The following KAZN variants were observed in gnomAD, a reference collection of about 807,000 sequenced individuals.
KAZN encodes kazrin.
In KAZN, 40 loss-of-function variants were observed where a neutral mutation model predicts 87.4. That is an observed-to-expected ratio of 0.46 (90% CI 0.36 to 0.60). KAZN has a LOEUF of 0.60. Among genes scored for constraint, KAZN ranks in the 20% least tolerant of loss-of-function variants. The probability of loss-of-function intolerance (pLI) is 0.00; values close to 1 mark genes in which losing one functional copy is unlikely to be tolerated. For synonymous variants in KAZN, 466 were observed against 458.3 expected (o/e 1.02, Z -0.22); for missense variants, 898 against 1,073.9 (o/e 0.84, Z 2.29).
chr1:14,486,375 G>A (rs1381698658), intron 2 of KAZN, among the ~76,000 whole-genome samples: 1 of 152,088 alleles, frequency 6.6e-6, no homozygotes, highest in Non-Finnish European at 1.5e-5. Context: ...GTATGTTGTG[G>A]GATGCTTAAG....
chr1:14,657,606 T>C (rs1638892537), intron 1 of KAZN, among the ~76,000 whole-genome samples: 2 of 152,296 alleles, frequency 1.3e-5, no homozygotes, highest in South Asian at 4.2e-4. Flanking sequence ...CATCTCCCTA[T>C]CATGAGCATT....
intron 2 of KAZN, among the ~76,000 whole-genome samples, chr1:14,531,000 G>C (rs191709583): frequency 1.3e-5 from 2 of 152,166 alleles, no homozygotes; most frequent in African/African-American, 4.8e-5. Flanking sequence ...CTGAGCCTGG[G>C]AGGTCTAGGC....
chr1:14,232,791 G>A (rs933796856), intron 2 of KAZN, among the ~76,000 whole-genome samples: 3 of 151,966 alleles, frequency 2.0e-5, no homozygotes, highest in Admixed American at 6.6e-5. Flanking sequence ...AAAACAACGG[G>A]CATTTTAAAA....
chr1:14,157,881 A>C (rs927075322), intron 1 of KAZN, among the ~76,000 whole-genome samples: 3 of 152,192 alleles, frequency 2.0e-5, no homozygotes, highest in African/African-American at 7.2e-5. Flanking sequence ...GGATGCAAGA[A>C]AGAAGAGAAA....
rs149054338 is a variant in KAZN, at chr1:14,703,222, G to C, written c.226+103999G>C. 6.6e-5 allele frequency among the ~76,000 whole-genome samples: 10 copies of C among 152,310 alleles called. No individual in the cohort carries two copies. In the East Asian group the frequency reaches 1.7e-3, roughly 27 times the overall value. ...CAAGAGTAGGTTGACCAGGCTGGGCGAGGTGGCTCACACCTGTACTCCCAG... is the reference window on the plus strand; with the variant it reads ...CAAGAGTAGGTTGACCAGGCTGGGCCAGGTGGCTCACACCTGTACTCCCAG... On this transcript the variant is annotated intron_variant, in intron 1 of 14. Coordinates refer to ENST00000376030, the MANE Select transcript of KAZN (RefSeq NM_201628.3).
At chr1:15,058,510 A>G (rs1442193395) in intron 5 of KAZN, among the ~76,000 whole-genome samples, 1 of 152,240 alleles carries the variant, frequency 6.6e-6, no homozygotes, top group Non-Finnish European at 1.5e-5. Flanking sequence ...ATCCAGTGCC[A>G]ATGCCTGCAG....
intron 1 of KAZN, among the ~76,000 whole-genome samples, chr1:14,862,960 G>A (rs1178996185): frequency 6.6e-6 from 1 of 152,242 alleles, no homozygotes; most frequent in Non-Finnish European, 1.5e-5. Flanking sequence ...TGAGGCAAGA[G>A]AAGTTACCCG....
chr1:14,121,162 T>C (rs2213849), intron 1 of KAZN, among the ~76,000 whole-genome samples: 90,803 of 152,100 alleles, frequency 0.6, 28,930 homozygotes, highest in African/African-American at 0.8. Flanking sequence ...CATGTTGCTT[T>C]ATCAAGGAAT....
chr1:14,992,134 C>T (rs975029637), intron 2 of KAZN, among the ~76,000 whole-genome samples: 15 of 152,140 alleles, frequency 9.9e-5, no homozygotes, highest in African/African-American at 2.4e-4. Flanking sequence ...TGTCCATTAC[C>T]GGGGCCCCAG....
At chr1:14,818,704 T>A (rs1342608755) in intron 1 of KAZN, among the ~76,000 whole-genome samples, 1 of 152,176 alleles carries the variant, frequency 6.6e-6, no homozygotes, top group Non-Finnish European at 1.5e-5. Flanking sequence ...CTCGGATGCA[T>A]TCCTTGCAGG....
At chr1:14,982,359 G>C (rs1216383881) in intron 2 of KAZN, among the ~76,000 whole-genome samples, 2 of 152,090 alleles carry the variant, frequency 1.3e-5, no homozygotes, top group African/African-American at 4.8e-5. Flanking sequence ...ACAGGGCATG[G>C]GACAGTGGTT....
In KAZN at chr1:14,110,814, T is replaced by C. The variant is rs1389393007; in HGVS notation, c.92-69621T>C. ...AGACACGTAAAATATCTCATTAATA[T>C]CTTTTTATATTGACTACATGTTAAG... On this transcript the variant is annotated intron_variant, in intron 1 of 16. Coordinates refer to the KAZN transcript ENST00000636203. 2.2e-5 allele frequency among the ~76,000 whole-genome samples: 3 copies of C among 134,894 alleles called. 1 individual carries two copies. The highest frequency in any genetic ancestry group is 8.6e-5 in the African/African-American group (3 of 34,878). The allele number at this position is 134,894 out of a possible 152,430, so 88.5% of individuals were successfully genotyped here.
intron 2 of KAZN, among the ~76,000 whole-genome samples, chr1:14,524,335 T>C (rs1446500691): frequency 6.6e-6 from 1 of 152,038 alleles, no homozygotes; most frequent in Non-Finnish European, 1.5e-5. Flanking sequence ...GTGTGTCACT[T>C]GTGTGCGTTT....
chr1:14,681,603 ATG>A lies in KAZN; in HGVS notation c.226+82382_226+82383del, dbSNP rs1207107497. On this transcript the variant is annotated intron_variant, in intron 1 of 14. Coordinates refer to ENST00000376030, the MANE Select transcript of KAZN (RefSeq NM_201628.3). Reference sequence around the variant, plus strand: ...AATTTGCCATTTTAACTATATATATATGTATATGTGTATATATATATATATAT... The same window carrying A: ...AATTTGCCATTTTAACTATATATATATATATGTGTATATATATATATATAT... Among the ~76,000 whole-genome samples the A allele has an allele frequency of 1.6e-3, 137 of 86,810 alleles. 1 individual carries two copies. Among genetic ancestry groups the A allele is most frequent in the African/African-American group, 5.9e-3 (131 of 22,302 alleles). The allele number at this position is 86,810 out of a possible 152,430, so 57.0% of individuals were successfully genotyped here.
intron 1 of KAZN, among the ~76,000 whole-genome samples, chr1:14,675,537 C>A (rs1374445918): frequency 6.6e-6 from 1 of 152,132 alleles, no homozygotes; most frequent in Non-Finnish European, 1.5e-5. Context: ...TCAAGGAGGG[C>A]AGGAGGCTGA....
intron 2 of KAZN, among the ~76,000 whole-genome samples, chr1:14,384,082 G>T (rs1661637503): frequency 6.6e-6 from 1 of 151,628 alleles, no homozygotes; most frequent in Non-Finnish European, 1.5e-5. Flanking sequence ...AAGCAATTGT[G>T]AATGGGAGTT....
At chr1:14,473,566 G>A (rs187987012) in intron 2 of KAZN, among the ~76,000 whole-genome samples, 370 of 151,326 alleles carry the variant, frequency 2.4e-3, no homozygotes, top group African/African-American at 8.5e-3. Flanking sequence ...GGCAGAGATT[G>A]CAGTGGCCGA....
At chr1:14,486,631 G>A (rs908369304) in intron 2 of KAZN, among the ~76,000 whole-genome samples, 13 of 152,188 alleles carry the variant, frequency 8.5e-5, no homozygotes, top group African/African-American at 2.2e-4. Context: ...AAGATAATGC[G>A]TAGTGAAGAT....
intron 1 of KAZN, among the ~76,000 whole-genome samples, chr1:14,642,944 G>A (rs1041727766): frequency 3.9e-5 from 6 of 152,204 alleles, no homozygotes; most frequent in African/African-American, 1.4e-4. Context: ...CAGCCACTCT[G>A]GAAGAGATTT....
Sources: gnomAD v4.1 joint callset for allele counts (sites outside exome capture counted in the v4.1 genomes callset) on GRCh38, gnomAD v4.1.1 for gene constraint, MANE v1.5 for transcripts, NCBI Gene and HGNC (gene_info 2026-07-23, HGNC 2026-07-21) for gene names.